HSF2: variants seen among roughly 807,000 people sequenced by gnomAD.
The protein encoded by HSF2 is heat shock transcription factor 2, also known as heat shock factor protein 2.
A neutral mutation model predicts 65.0 loss-of-function variants in HSF2; 21 were observed. That is an observed-to-expected ratio of 0.32 (90% CI 0.23 to 0.47). The LOEUF is 0.47. HSF2 is among the 20% of genes least tolerant of loss of function. The pLI is 1.00. For missense variants in HSF2, 499 were observed against 628.1 expected (o/e 0.79, Z 2.20); for synonymous variants, 225 against 219.1 (o/e 1.03, Z -0.24).
chr6:122,422,936 A>G lies in HSF2; in HGVS notation c.1049A>G (p.Asp350Gly), dbSNP rs1261533652. 3 of 1,613,514 alleles carry G rather than the reference A, an allele frequency of 1.9e-6. No individual in the cohort carries two copies. The highest frequency in any genetic ancestry group is 2.5e-6 in the Non-Finnish European group (3 of 1,179,614). The change falls in exon 9 of 13, where the codon GAT (aspartate) becomes GGT (glycine). Residue 350 changes from aspartate to glycine, a missense_variant. Around this residue, in one of 2 missense-constraint regions of HSF2, gnomAD observed 349 missense variants for 393.5 expected, o/e 0.89. Transcript: ENST00000368455. ...ACCATGATGGATTCCATTTTGAATGATAACATCAATCTTTTGGGAAAGTGA... is the reference window on the plus strand; with the variant it reads ...ACCATGATGGATTCCATTTTGAATGGTAACATCAATCTTTTGGGAAAGTGA... ...PVTMMDSILN[D>G]NINLLGKVEL...
At chr6:122,403,906 T>C in intron 1 of HSF2, among the ~76,000 whole-genome samples, 1 of 152,198 alleles carries the variant, frequency 6.6e-6, no homozygotes, top group East Asian at 1.9e-4. Flanking sequence ...CCGTAGAGGT[T>C]AAATGAAGTT....
chr6:122,422,421 T>A, intron 8 of HSF2, 123 bp downstream of exon 8: 1 of 854,216 alleles, frequency 1.2e-6, no homozygotes. Context: ...ATTATTAAAC[T>A]TGATAATTAA....
At chr6:122,431,253 T>C (rs1774458605) in intron 11 of HSF2, among the ~76,000 whole-genome samples, 177 bp from the exon 12 acceptor site, 1 of 152,162 alleles carries the variant, frequency 6.6e-6, no homozygotes, top group African/African-American at 2.4e-5. Flanking sequence ...CAATAGTTCC[T>C]TAACCAGTCT....
chr6:122,431,191 T>C (rs1455931104), intron 11 of HSF2, among the ~76,000 whole-genome samples: 1 of 152,122 alleles, frequency 6.6e-6, no homozygotes, highest in Non-Finnish European at 1.5e-5. Flanking sequence ...CATTTCATAC[T>C]TAATATAGAA....
chr6:122,412,351 C>CT (rs2243358), intron 1 of HSF2, 22 bp from the exon 2 acceptor site: 25,837 of 1,044,160 alleles, frequency 0.025, no homozygotes, highest in Non-Finnish European at 0.029. Context: ...TTTACTTTTT[C>CT]TTTTTTTTTT....
chr6:122,428,303 CT>C (rs1774381832), intron 11 of HSF2, among the ~76,000 whole-genome samples: 1 of 151,902 alleles, frequency 6.6e-6, no homozygotes, highest in Non-Finnish European at 1.5e-5. Context: ...CTATTCTCAA[CT>C]TTTTTATTAA....
intron 1 of HSF2, among the ~76,000 whole-genome samples, chr6:122,411,170 T>C (rs575114793): frequency 6.6e-6 from 1 of 151,926 alleles, no homozygotes; most frequent in East Asian, 1.9e-4. Context: ...CAGTGGTATA[T>C]TGTTTTAGTT....
Position 122,420,213 on chromosome 6 carries a change from T to C in HSF2, c.672T>C (p.His224=). The C allele has an allele frequency of 3.1e-6, 5 of 1,595,786 alleles. No homozygotes were observed. The highest frequency in any genetic ancestry group is 4.3e-6 in the Non-Finnish European group (5 of 1,165,566). Residue 224 remains histidine, a synonymous_variant, in exon 7 of 13, where the codon CAT becomes CAC. Transcript: ENST00000368455. ...TAGTCAAAGAACCAACTGATAATCA[T>C]CATCATAAAGTAATTTTTTAGTTAG... The part of the protein sequence containing the change: ...QHIVKEPTDN[H]HHKVPHSRTE...
rs373853508 is a variant in HSF2 at position 122,432,212 on chromosome 6, G to A, written c.1603G>A (p.Asp535Asn). 2.5e-6 allele frequency: 4 copies of A among 1,609,968 alleles called. No individual in the cohort carries two copies. Among genetic ancestry groups the A allele is most frequent in the African/African-American group, 2.7e-5 (2 of 74,816 alleles). Residue 535 changes from aspartate to asparagine, a missense_variant, in exon 13 of 13, where the codon GAT becomes AAT. By Grantham distance (23) the Asp-to-Asn change is conservative (BLOSUM62 1). This residue lies in a region of HSF2 where 349 missense variants were observed against 393.5 expected (regional missense o/e 0.89). Coordinates refer to ENST00000368455, the MANE Select transcript of HSF2 (RefSeq NM_004506.4). Reference sequence around the variant, plus strand: ...TCTGGATAGTGATATGCCACTTTTAGATAGCTAAATCCCCAGGAAGTGGAC... The same window carrying A: ...TCTGGATAGTGATATGCCACTTTTAAATAGCTAAATCCCCAGGAAGTGGAC... ...APLDSDMPLLDS is the reference protein window; with the variant it reads ...APLDSDMPLLNS
intron 6 of HSF2, 89 bp downstream of exon 6, chr6:122,419,318 A>G: frequency 1.6e-6 from 1 of 610,734 alleles, no homozygotes; most frequent in African/African-American, 1.9e-5. Context: ...CTTGCTGAGT[A>G]TGTGCTTGTT....
intron 10 of HSF2, among the ~76,000 whole-genome samples, chr6:122,427,214 T>C (rs903791985): frequency 3.3e-5 from 5 of 152,082 alleles, no homozygotes; most frequent in Non-Finnish European, 7.4e-5. Context: ...CTTTAGATTG[T>C]AAGCTCCTAG....
intron 3 of HSF2, among the ~76,000 whole-genome samples, chr6:122,413,162 A>G (rs1774038856): frequency 6.6e-6 from 1 of 152,064 alleles, no homozygotes; most frequent in South Asian, 2.1e-4. Flanking sequence ...GGACCATGAA[A>G]GAAAATGGCC....
In HSF2 at chr6:122,427,147, A is replaced by G. The variant is rs116899951; in HGVS notation, c.1177-756A>G. 8.4e-3 allele frequency among the ~76,000 whole-genome samples: 1,277 copies of G among 152,152 alleles called. 10 individuals carry two copies. The highest frequency in any genetic ancestry group is 0.013 in the Non-Finnish European group (902 of 67,964). On this transcript the variant is annotated intron_variant, in intron 10 of 12. Coordinates refer to ENST00000368455, the MANE Select transcript of HSF2 (RefSeq NM_004506.4). ...CTTTTGAGCGCCACCATCTTCTGTTAAAATACTGGATTATATCTGAACGTG... is the reference window on the plus strand; with the variant it reads ...CTTTTGAGCGCCACCATCTTCTGTTGAAATACTGGATTATATCTGAACGTG...
chr6:122,426,916 C>T (rs192084115), intron 10 of HSF2, among the ~76,000 whole-genome samples: 11 of 152,124 alleles, frequency 7.2e-5, no homozygotes, highest in African/African-American at 2.4e-4. Context: ...TGTGTTATTT[C>T]TATTTCTGGA....
intron 7 of HSF2, among the ~76,000 whole-genome samples, chr6:122,421,244 T>G (rs1029642393): frequency 6.6e-6 from 1 of 152,080 alleles, no homozygotes; most frequent in South Asian, 2.1e-4. Flanking sequence ...CAGTCCAAAG[T>G]CCAGATCTTT....
intron 1 of HSF2, among the ~76,000 whole-genome samples, chr6:122,405,525 T>C (rs1292649703): frequency 1.3e-5 from 2 of 152,062 alleles, no homozygotes; most frequent in Non-Finnish European, 2.9e-5. Context: ...AGTAAGAACC[T>C]TTTTTGCCAA....
At chr6:122,413,726 C>G in intron 4 of HSF2, 77 bp downstream of exon 4, 1 of 1,242,014 alleles carries the variant, frequency 8.1e-7, no homozygotes, top group Non-Finnish European at 1.2e-6. Context: ...TGGAGGTTGT[C>G]TGATGTTTTA....
chr6:122,423,020 G>A (rs1417284079), intron 9 of HSF2, 63 bp downstream of exon 9: 2 of 1,564,856 alleles, frequency 1.3e-6, no homozygotes, highest in Non-Finnish European at 1.8e-6. Context: ...CACATGTTCT[G>A]TTTCTCTTTG....
In HSF2 at chr6:122,419,211, T is replaced by C; in HGVS notation, c.575T>C (p.Val192Ala). The change falls in exon 6 of 13, where the codon GTG becomes GCG. Residue 192 changes from valine (V) to alanine (A), a missense_variant. By Grantham distance (64) the Val-to-Ala change is moderately conservative (BLOSUM62 0). Around this residue, in one of 2 missense-constraint regions of HSF2, gnomAD observed 150 missense variants for 234.6 expected, o/e 0.64. Transcript: ENST00000368455. ...IVTLVQNNQLVSLKRKRPLLL... is the reference protein window; with the variant it reads ...IVTLVQNNQLASLKRKRPLLL... The stretch of plus-strand genomic sequence containing the variant: ...ACATTGGTTCAAAATAACCAACTTG[T>C]GAGTTTAAAACGTAAAAGGTAAGTT... 6.7e-7 allele frequency: 1 copy of C among 1,500,988 alleles called. No individual in the cohort carries two copies. Among genetic ancestry groups the C allele is most frequent in the Non-Finnish European group, 9.2e-7 (1 of 1,082,702 alleles). The allele number at this position is 1,500,988 out of a possible 1,614,324, so 93.0% of individuals were successfully genotyped here. A position where few individuals can be genotyped will look rare whatever the true frequency, so the allele number is the denominator to read the frequency against.
Sources: allele counts gnomAD v4.1 joint callset (sites outside exome capture counted in the v4.1 genomes callset), GRCh38; gene constraint gnomAD v4.1.1; regional missense constraint gnomAD v4.1.1; transcripts MANE v1.5; gene names NCBI Gene and HGNC (gene_info 2026-07-23, HGNC 2026-07-21).